Variants in MAST4 observed in about 807,000 individuals in gnomAD.
MAST4 encodes microtubule-associated serine/threonine-protein kinase 4.
In MAST4, 89 loss-of-function variants were observed where a neutral mutation model predicts 162.7. The observed-to-expected ratio is 0.55, with a 90% CI of 0.46 to 0.65. The LOEUF is 0.65. Ranked by LOEUF, MAST4 falls within the 30% of genes least tolerant of loss-of-function variation. The pLI is 0.00. For missense variants in MAST4, 3,153 were observed against 3,374.0 expected (o/e 0.93, Z 1.62); for synonymous variants, 1,479 against 1,361.1 (o/e 1.09, Z -1.91).
chr5:67,141,002 G>C (rs534570288), intron 19 of MAST4, among the ~76,000 whole-genome samples: 24 of 152,288 alleles, frequency 1.6e-4, no homozygotes, highest in Non-Finnish European at 3.2e-4. Flanking sequence ...GCTGGGTTTA[G>C]AGCTAGGGCT....
chr5:66,757,807 C>A (rs548359846), intron 1 of MAST4, among the ~76,000 whole-genome samples: 67 of 152,186 alleles, frequency 4.4e-4, no homozygotes, highest in African/African-American at 1.5e-3. Context: ...TGAAAAGTTT[C>A]TAATTTAAAA....
At chr5:66,778,986 C>A (rs895563379) in intron 2 of MAST4, among the ~76,000 whole-genome samples, 7 of 152,216 alleles carry the variant, frequency 4.6e-5, no homozygotes, top group Non-Finnish European at 8.8e-5. Context: ...GAAAGAAAAA[C>A]TTCTGATACC....
At chr5:66,850,287 A>C (rs1257193835) in intron 3 of MAST4, among the ~76,000 whole-genome samples, 1 of 152,240 alleles carries the variant, frequency 6.6e-6, no homozygotes, top group Non-Finnish European at 1.5e-5. Flanking sequence ...GGTTAAGAAC[A>C]CTGAATTTCA....
intron 1 of MAST4, among the ~76,000 whole-genome samples, chr5:66,637,968 A>C (rs1745231623): frequency 6.6e-6 from 1 of 152,102 alleles, no homozygotes; most frequent in African/African-American, 2.4e-5. Context: ...CTCCCAAAGA[A>C]CTGGGATTAC....
intron 18 of MAST4, among the ~76,000 whole-genome samples, chr5:67,135,754 T>G (rs939303009): frequency 2.6e-5 from 4 of 152,236 alleles, no homozygotes; most frequent in Admixed American, 2.0e-4. Context: ...ATGCTGGCTT[T>G]GTTCTTGATG....
chr5:66,655,769 G>A (rs1355253518), intron 1 of MAST4, among the ~76,000 whole-genome samples: 1 of 152,198 alleles, frequency 6.6e-6, no homozygotes, highest in Non-Finnish European at 1.5e-5. Context: ...GTGCATGTGT[G>A]TTAACATTCA....
At chr5:66,965,136 A>G in intron 4 of MAST4, among the ~76,000 whole-genome samples, 1 of 151,590 alleles carries the variant, frequency 6.6e-6, no homozygotes, top group Admixed American at 6.6e-5. Context: ...GTGACTTTCA[A>G]CATGAGAGTT....
rs1036706734 is a variant in MAST4 at position 67,103,938 on chromosome 5, A to G, written c.1147-428A>G. On this transcript the variant is annotated intron_variant, in intron 9 of 28. Transcript: ENST00000403625. Reference sequence around the variant, plus strand: ...GAGACCATTTTACATTTGATAGAACACAGAAAAGGGAGATTATCATTCTGA... The same window carrying G: ...GAGACCATTTTACATTTGATAGAACGCAGAAAAGGGAGATTATCATTCTGA... Among the ~76,000 whole-genome samples, 54 of 152,358 alleles carry G rather than the reference A, an allele frequency of 3.5e-4. 1 individual carries two copies. Among genetic ancestry groups the G allele is most frequent in the Admixed American group, 3.4e-3 (52 of 15,304 alleles).
At chr5:67,037,609 T>G (rs1316961724) in intron 4 of MAST4, among the ~76,000 whole-genome samples, 1 of 152,176 alleles carries the variant, frequency 6.6e-6, no homozygotes, top group Non-Finnish European at 1.5e-5. Flanking sequence ...TTTTCTTCAT[T>G]TCTATACAAA....
intron 4 of MAST4, among the ~76,000 whole-genome samples, chr5:66,976,372 A>G (rs1211706008): frequency 2.0e-5 from 3 of 152,130 alleles, no homozygotes; most frequent in Admixed American, 1.3e-4. Context: ...TGCATATATG[A>G]TTGGGCCTTC....
chr5:66,995,457 G>T (rs1161422031), intron 4 of MAST4, among the ~76,000 whole-genome samples: 1 of 152,146 alleles, frequency 6.6e-6, no homozygotes, highest in African/African-American at 2.4e-5. Context: ...AGGTTGGAGT[G>T]CAGTGGTGTG....
At chr5:66,648,083 TGAGAGA>T (rs375744842) in intron 1 of MAST4, among the ~76,000 whole-genome samples, 3,192 of 86,842 alleles carry the variant, frequency 0.037, 78 homozygotes, top group African/African-American at 0.062. Flanking sequence ...TGTGTGTGTG[TGAGAGA>T]GAGAGAGAGA....
intron 3 of MAST4, among the ~76,000 whole-genome samples, chr5:66,794,603 C>A (rs1755561750): frequency 6.6e-6 from 1 of 152,174 alleles, no homozygotes; most frequent in Admixed American, 6.5e-5. Context: ...TCCTTACTTG[C>A]ATGATGTGGG....
intron 3 of MAST4, among the ~76,000 whole-genome samples, chr5:66,853,284 C>CTG (rs1458807050): frequency 2.0e-4 from 30 of 152,240 alleles, no homozygotes; most frequent in Admixed American, 1.8e-3. Flanking sequence ...TTAATAGGTC[C>CTG]CGTGTGTGTG....
intron 24 of MAST4, among the ~76,000 whole-genome samples, chr5:67,150,974 A>G (rs117180768): frequency 1.3e-5 from 2 of 152,208 alleles, no homozygotes; most frequent in Admixed American, 6.5e-5. Flanking sequence ...TACGGTAGCC[A>G]CAATGGAACT....
At chr5:66,664,035 A>G (rs1260387391) in intron 1 of MAST4, among the ~76,000 whole-genome samples, 1 of 152,114 alleles carries the variant, frequency 6.6e-6, no homozygotes, top group Non-Finnish European at 1.5e-5. Context: ...GATGGACTGG[A>G]TGTGTAGGGT....
chr5:66,608,247 G>A (rs1743029167), intron 1 of MAST4, among the ~76,000 whole-genome samples: 1 of 150,030 alleles, frequency 6.7e-6, no homozygotes, highest in African/African-American at 2.4e-5. Context: ...GTAGAGACAG[G>A]ATTTCACCAT....
chr5:66,934,714 C>G (rs879395232), intron 4 of MAST4, among the ~76,000 whole-genome samples: 4 of 152,126 alleles, frequency 2.6e-5, no homozygotes, highest in East Asian at 1.9e-4. Flanking sequence ...CTTTGGCTGT[C>G]TCTTTTTCTA....
intron 3 of MAST4, among the ~76,000 whole-genome samples, chr5:66,881,161 G>A (rs1331486021): frequency 6.6e-6 from 1 of 152,084 alleles, no homozygotes; most frequent in Non-Finnish European, 1.5e-5. Flanking sequence ...ATTTTCTATT[G>A]TTTTGAAGTT....
Sources: allele counts gnomAD v4.1 joint callset (sites outside exome capture counted in the v4.1 genomes callset), GRCh38; gene constraint gnomAD v4.1.1; transcripts MANE v1.5; gene names NCBI Gene and HGNC (gene_info 2026-07-23, HGNC 2026-07-21).